TRIM23: variants seen among roughly 807,000 people sequenced by gnomAD.
TRIM23 encodes E3 ubiquitin-protein ligase TRIM23.
Under a neutral mutation model 71.0 loss-of-function variants are expected in TRIM23, and 27 were observed. The ratio of observed to expected loss-of-function variants is 0.38; its 90% CI spans 0.28 to 0.52. TRIM23 has a LOEUF of 0.52. TRIM23 is among the 20% of genes least tolerant of loss of function. The pLI is 0.84. For synonymous variants in TRIM23, 234 were observed against 238.0 expected (o/e 0.98, Z 0.16); for missense variants, 482 against 692.3 (o/e 0.70, Z 3.41).
Position 65,591,398 on chromosome 5 carries a change from G to A in TRIM23, c.*371C>T. The A allele has an allele frequency of 6.4e-7, 1 of 1,568,114 alleles. No homozygotes were observed. Among genetic ancestry groups the A allele is most frequent in the Non-Finnish European group, 8.6e-7 (1 of 1,159,506 alleles). On this transcript the variant is annotated 3_prime_UTR_variant, in exon 11 of 11. Coordinates refer to ENST00000231524, the MANE Select transcript of TRIM23 (RefSeq NM_001656.4). ...TTGCTTCACACAGAGGTCTCATTAG[G>A]CACTCAATTGGCTATTCTTTTTTCA...
chr5:65,606,137 T>A (rs1289165785), intron 6 of TRIM23, among the ~76,000 whole-genome samples: 2 of 152,126 alleles, frequency 1.3e-5, no homozygotes, highest in Non-Finnish European at 2.9e-5. Flanking sequence ...AATGGTCCTA[T>A]CCCAATCAGT....
chr5:65,623,631 T>G (rs76343484), intron 1 of TRIM23, among the ~76,000 whole-genome samples: 2,912 of 152,326 alleles, frequency 0.019, 70 homozygotes, highest in African/African-American at 0.058. Flanking sequence ...GTTAATAGAC[T>G]GTACTACTAA....
chr5:65,609,449 T>A lies in TRIM23; in HGVS notation c.838A>T (p.Thr280Ser), dbSNP rs1179809175. ...GMAHTEHVPG[T>S]AENARSCIRA... is the part of the protein sequence containing the mutation. Reference sequence around the variant, plus strand: ...ATACATGACCGGGCATTCTCTGCAGTCCCTGGTACCTAAGAAAATGAAAAT... The same window carrying A: ...ATACATGACCGGGCATTCTCTGCAGACCCTGGTACCTAAGAAAATGAAAAT... The change falls in exon 6 of 11, where the codon ACT (threonine) becomes TCT (serine). Residue 280 changes from threonine to serine, a missense_variant. Around this residue, in one of 2 missense-constraint regions of TRIM23, gnomAD observed 307 missense variants for 495.8 expected, o/e 0.62. Coordinates refer to ENST00000231524, the MANE Select transcript of TRIM23 (RefSeq NM_001656.4). The A allele has an allele frequency of 6.2e-7, 1 of 1,612,588 alleles. No individual in the cohort carries two copies.
At position 65,624,174 on chromosome 5, in the gene TRIM23, G is replaced by C. The variant is rs754738540; in HGVS notation, c.81+20C>G. ...GAAGGGAGGCCGATGGTGGAGAATA[G>C]AGCACGCAAGGTCCCTCACCTTCAC... On this transcript the variant is annotated intron_variant, in intron 1 of 10. Coordinates refer to ENST00000231524, the MANE Select transcript of TRIM23 (RefSeq NM_001656.4). 3 of 1,613,984 alleles carry C rather than the reference G, an allele frequency of 1.9e-6. No individual in the cohort carries two copies. The highest frequency in any genetic ancestry group is 2.7e-5 in the African/African-American group (2 of 74,942).
Position 65,590,169 on chromosome 5 carries a change from G to C in TRIM23, c.*1600C>G. 2 of 614,290 alleles carry C rather than the reference G, an allele frequency of 3.3e-6. No individual in the cohort carries two copies. Among genetic ancestry groups the C allele is most frequent in the Non-Finnish European group, 5.6e-6 (2 of 358,678 alleles). The allele number at this position is 614,290 out of a possible 1,614,324, so 38.1% of individuals were successfully genotyped here. A position where few individuals can be genotyped will look rare whatever the true frequency, so the allele number is the denominator to read the frequency against. On this transcript the variant is annotated 3_prime_UTR_variant, in exon 11 of 11. Transcript: ENST00000231524. ...TTTTTCTTCAATTAACTAGTAAACAGTTCAAGTTCTCACAAGCAATACAAC... is the reference window on the plus strand; with the variant it reads ...TTTTTCTTCAATTAACTAGTAAACACTTCAAGTTCTCACAAGCAATACAAC...
intron 7 of TRIM23, 200 bp downstream of exon 7, chr5:65,604,711 A>G (rs901909519): frequency 9.1e-6 from 4 of 440,236 alleles, no homozygotes; most frequent in Non-Finnish European, 1.6e-5. Context: ...CACAGGGGCC[A>G]TGCTAATCTT....
Position 65,621,110 on chromosome 5 carries a change from TGGG to T in TRIM23, c.82-2858_82-2856del, listed in dbSNP as rs1754927422. On this transcript the variant is annotated intron_variant, in intron 1 of 10. Transcript: ENST00000231524. ...GCTCACGCCTGTAATCTCAGCACTT[TGGG>T]AGGCCAAGGCGGGCAGATCACGAGG... Among the ~76,000 whole-genome samples, 3 of 152,126 alleles carry T rather than the reference TGGG, an allele frequency of 2.0e-5. 1 individual carries two copies. In the South Asian group the frequency reaches 6.2e-4, roughly 31 times the overall value.
chr5:65,617,775 G>C lies in TRIM23; in HGVS notation c.244+318C>G, dbSNP rs560274747. Among the ~76,000 whole-genome samples, 3 of 152,232 alleles carry C rather than the reference G, an allele frequency of 2.0e-5. No homozygotes were observed. In the South Asian group the frequency reaches 6.2e-4, roughly 32 times the overall value. On this transcript the variant is annotated intron_variant, in intron 2 of 10. Transcript: ENST00000231524. ...GAAAACATTGTTCTATTGGGTTTAT[G>C]GCTTCAGGCAAATGATTCACTCTGT...
intron 1 of TRIM23, among the ~76,000 whole-genome samples, chr5:65,620,658 G>A (rs1754908723): frequency 6.6e-6 from 1 of 151,968 alleles, no homozygotes; most frequent in Non-Finnish European, 1.5e-5. Flanking sequence ...TTGGAACACT[G>A]GTTCCCCATG....
rs766639142 is a variant in TRIM23, at chr5:65,610,853, A to T, written c.828+8T>A. The T allele has an allele frequency of 1.3e-6, 2 of 1,561,072 alleles. No homozygotes were observed. Among genetic ancestry groups the T allele is most frequent in the Non-Finnish European group, 1.7e-6 (2 of 1,158,086 alleles). On this transcript the variant is annotated splice_region_variant and intron_variant, in intron 5 of 10. Coordinates refer to ENST00000231524, the MANE Select transcript of TRIM23 (RefSeq NM_001656.4). ...AATGAGAAAGTGAAGAAGAAAAAAA[A>T]TCCATACATGTTCTGTGTGAGCCAT...
chr5:65,593,952 T>C (rs1754118840), intron 10 of TRIM23, among the ~76,000 whole-genome samples: 1 of 152,236 alleles, frequency 6.6e-6, no homozygotes, highest in Admixed American at 6.5e-5. Context: ...AACATTTTGA[T>C]GACTCCTCCT....
At chr5:65,623,311 G>A (rs1290894375) in intron 1 of TRIM23, among the ~76,000 whole-genome samples, 1 of 152,190 alleles carries the variant, frequency 6.6e-6, no homozygotes, top group Non-Finnish European at 1.5e-5. Context: ...TGGAGGAGGA[G>A]TGCATCAGTA....
At chr5:65,611,947 T>C (rs1459162021) in intron 3 of TRIM23, 66 bp from the exon 4 acceptor site, 1 of 1,452,902 alleles carries the variant, frequency 6.9e-7, no homozygotes, top group Non-Finnish European at 9.3e-7. Context: ...AATTTTTAAA[T>C]ATAGAATCCA....
intron 7 of TRIM23, among the ~76,000 whole-genome samples, chr5:65,601,222 C>T (rs1320948115): frequency 5.3e-5 from 8 of 152,156 alleles, no homozygotes; most frequent in Non-Finnish European, 8.8e-5. Context: ...TCCCAGTAAA[C>T]CAAGAGGTGG....
At chr5:65,598,392 C>A (rs976960568) in intron 7 of TRIM23, among the ~76,000 whole-genome samples, 6 of 152,148 alleles carry the variant, frequency 3.9e-5, no homozygotes, top group African/African-American at 1.4e-4. Context: ...TCCCCATATC[C>A]AACATAGTGA....
In TRIM23 at chr5:65,596,940, G is replaced by C. The variant is rs966114827; in HGVS notation, c.1309+111C>G. The C allele has an allele frequency of 3.4e-5, 46 of 1,347,134 alleles. No individual in the cohort carries two copies. The South Asian group carries it at 6.5e-4, about 19-fold the overall frequency. 83.4% of individuals were successfully genotyped at this position (1,347,134 alleles called of 1,614,324 possible). On this transcript the variant is annotated intron_variant, in intron 8 of 10. Coordinates refer to ENST00000231524, the MANE Select transcript of TRIM23 (RefSeq NM_001656.4). ...TTTTCTCTGAGATGCTGATATCTTA[G>C]AGCCAGAAAAGAGCCCACCACCATG...
At chr5:65,621,763 A>G (rs188323097) in intron 1 of TRIM23, among the ~76,000 whole-genome samples, 7 of 152,150 alleles carry the variant, frequency 4.6e-5, no homozygotes, top group Admixed American at 4.6e-4. Flanking sequence ...AAAAGCTTCA[A>G]ACTTATTACT....
intron 1 of TRIM23, among the ~76,000 whole-genome samples, chr5:65,619,486 G>A (rs549965632): frequency 1.1e-4 from 17 of 152,172 alleles, no homozygotes; most frequent in African/African-American, 3.6e-4. Flanking sequence ...CACACAACAC[G>A]AGGTAAAAAA....
At chr5:65,617,897 G>T (rs1754815806) in intron 2 of TRIM23, among the ~76,000 whole-genome samples, 196 bp downstream of exon 2, 1 of 152,096 alleles carries the variant, frequency 6.6e-6, no homozygotes, top group East Asian at 1.9e-4. Context: ...CATCTCAGAA[G>T]ATAAAATAAA....
Sources: allele counts gnomAD v4.1 joint callset (sites outside exome capture counted in the v4.1 genomes callset), GRCh38; gene constraint gnomAD v4.1.1; regional missense constraint gnomAD v4.1.1; transcripts MANE v1.5; gene names NCBI Gene and HGNC (gene_info 2026-07-23, HGNC 2026-07-21).